Variants in USP34 observed in about 807,000 individuals in gnomAD.
USP34 encodes ubiquitin specific peptidase 34.
In USP34, 70 loss-of-function variants were observed where a neutral mutation model predicts 460.3. That is an observed-to-expected ratio of 0.15 (90% confidence interval 0.13 to 0.19). The LOEUF (loss-of-function observed/expected upper bound fraction) is 0.19. USP34 is among the 10% of genes least tolerant of loss of function. The pLI is 1.00. For synonymous variants in USP34, 1,647 were observed against 1,405.3 expected, an observed-to-expected ratio of 1.17 and a Z score of -3.85; for missense variants, 3,985 against 4,236.2, an observed-to-expected ratio of 0.94 and a Z score of 1.65.
At chr2:61,300,923 A>T in intron 29 of USP34, 28 bp downstream of exon 29, 2 of 1,513,034 alleles carry the variant, frequency 1.3e-6, no homozygotes, top group South Asian at 1.2e-5. Flanking sequence ...GACACAAAAC[A>T]AGATTTGTGA....
Position 61,348,811 on chromosome 2 carries a change from T to C in USP34, c.1619A>G (p.Asp540Gly), listed in dbSNP as rs1020030465. The change falls in exon 14 of 80, where the codon GAT becomes GGT. Residue 540 changes from aspartate (D) to glycine (G), a missense_variant. Asp to Gly is a moderately conservative substitution (Grantham distance 94). Transcript: ENST00000398571. Reference sequence around the variant, plus strand: ...TTTGGTTCTATTAATAAGTTGCTCATCCATTTCAATGTCACTACCTCCACT... The same window carrying C: ...TTTGGTTCTATTAATAAGTTGCTCACCCATTTCAATGTCACTACCTCCACT... The part of the protein sequence containing the change: ...HQSGGSDIEM[D>G]EQLINRTKHV... The C allele has an allele frequency of 1.2e-6, 2 of 1,613,794 alleles. No homozygotes were observed. The highest frequency in any genetic ancestry group is 1.1e-5 in the South Asian group (1 of 91,056).
chr2:61,218,990 A>C (rs948796474), intron 67 of USP34, among the ~76,000 whole-genome samples: 10 of 152,228 alleles, frequency 6.6e-5, no homozygotes, highest in African/African-American at 2.2e-4. Context: ...TCAATGAGTG[A>C]GGAATTAAGC....
chr2:61,392,868 C>T (rs1293366978), intron 5 of USP34, among the ~76,000 whole-genome samples: 1 of 152,116 alleles, frequency 6.6e-6, no homozygotes, highest in Non-Finnish European at 1.5e-5. Context: ...AAAATGTTAT[C>T]CCAGCATTCC....
At chr2:61,307,036 T>C (rs1690430525) in intron 27 of USP34, among the ~76,000 whole-genome samples, 3 of 152,244 alleles carry the variant, frequency 2.0e-5, no homozygotes, top group African/African-American at 7.2e-5. Flanking sequence ...TGTGGCACTA[T>C]TCACAAGAGC....
At chr2:61,398,227 C>A (rs1693597314) in intron 3 of USP34, among the ~76,000 whole-genome samples, 1 of 151,930 alleles carries the variant, frequency 6.6e-6, no homozygotes, top group African/African-American at 2.4e-5. Context: ...ATTAGCCAGG[C>A]ATGGTGGTGC....
At chr2:61,321,676 A>G (rs898802428) in intron 21 of USP34, among the ~76,000 whole-genome samples, 13 of 152,206 alleles carry the variant, frequency 8.5e-5, no homozygotes, top group Non-Finnish European at 7.3e-5. Flanking sequence ...TTTAAAATGT[A>G]GTTTAAGATA....
chr2:61,323,637 A>G (rs552541730), intron 21 of USP34, among the ~76,000 whole-genome samples: 1 of 152,062 alleles, frequency 6.6e-6, no homozygotes, highest in Non-Finnish European at 1.5e-5. Flanking sequence ...AACAGCCATG[A>G]TGTGGGAGAA....
At chr2:61,410,956 T>C (rs1694018574) in intron 2 of USP34, among the ~76,000 whole-genome samples, 1 of 151,964 alleles carries the variant, frequency 6.6e-6, no homozygotes, top group South Asian at 2.1e-4. Flanking sequence ...AGACGACTAA[T>C]GAAAGGTACA....
intron 22 of USP34, among the ~76,000 whole-genome samples, chr2:61,318,614 G>A (rs1431764222): frequency 3.9e-5 from 6 of 152,094 alleles, no homozygotes. Flanking sequence ...AAATTCAATT[G>A]GGAATAGTTC....
At chr2:61,217,935 A>G (rs1256170794) in intron 67 of USP34, among the ~76,000 whole-genome samples, 1 of 152,196 alleles carries the variant, frequency 6.6e-6, no homozygotes, top group Non-Finnish European at 1.5e-5. Flanking sequence ...AGCCTGGGCC[A>G]CAGAGCAAGA....
At chr2:61,418,469 C>T (rs759998221) in intron 2 of USP34, among the ~76,000 whole-genome samples, 5 of 152,136 alleles carry the variant, frequency 3.3e-5, no homozygotes, top group Non-Finnish European at 5.9e-5. Flanking sequence ...AATAATCTTA[C>T]GAAAGCTTTT....
Position 61,256,489 on chromosome 2 carries a change from AACC to A in USP34, c.6127-14_6127-12del. 6.4e-7 allele frequency: 1 copy of A among 1,555,412 alleles called. No homozygotes were observed. Among genetic ancestry groups the A allele is most frequent in the Non-Finnish European group, 8.7e-7 (1 of 1,145,954 alleles). ...TTCATCAAGAGATTCCTGTGTATAA[AACC>A]ACATTTAAAAGTTTCATATTATTGT... On this transcript the variant is annotated splice_polypyrimidine_tract_variant and intron_variant, in intron 47 of 79. Transcript: ENST00000398571.
In USP34 at chr2:61,470,793, CGGCGG is replaced by C. The variant is rs2104138007; in HGVS notation, c.-106_-102del. 1.5e-6 allele frequency: 1 copy of C among 668,090 alleles called. No homozygotes were observed. Among genetic ancestry groups the C allele is most frequent in the Non-Finnish European group, 2.2e-6 (1 of 464,926 alleles). 41.4% of individuals were successfully genotyped at this position (668,090 alleles called of 1,614,324 possible). A position where few individuals can be genotyped will look rare whatever the true frequency, so the allele number is the denominator to read the frequency against. The stretch of plus-strand genomic sequence containing the variant: ...GAGGCGGAGGAGGGGGCCGGCCGGC[CGGCGG>C]GGCGGGGAGGCGACTAGGGCGGGCG... On this transcript the variant is annotated 5_prime_UTR_variant, in exon 1 of 80. Transcript: ENST00000398571.
chr2:61,212,597 A>C (rs1456465098), intron 68 of USP34, among the ~76,000 whole-genome samples: 3 of 152,200 alleles, frequency 2.0e-5, no homozygotes, highest in Non-Finnish European at 4.4e-5. Context: ...GATTTTATAG[A>C]CTCATATGCA....
At chr2:61,378,912 C>CAAAAAAAAAAAAA (rs1491197501) in intron 7 of USP34, among the ~76,000 whole-genome samples, 18 of 8,618 alleles carry the variant, frequency 2.1e-3, no homozygotes, top group Non-Finnish European at 2.9e-3. Context: ...CTCAAAAAAA[C>CAAAAAAAAAAAAA]GAAAAAAAAA....
chr2:61,365,348 T>C (rs1692404186), intron 10 of USP34, among the ~76,000 whole-genome samples: 1 of 152,024 alleles, frequency 6.6e-6, no homozygotes. Context: ...TGTATGTATG[T>C]ATGTATGCCT....
At position 61,234,544 on chromosome 2, in the gene USP34, C is replaced by T. The variant is rs531732526; in HGVS notation, c.7032+1301G>A. On this transcript the variant is annotated intron_variant, in intron 57 of 79. Coordinates refer to ENST00000398571, the MANE Select transcript of USP34 (RefSeq NM_014709.4). The stretch of plus-strand genomic sequence containing the variant: ...AGAGGAAGTGACAGATGATGTTAAG[C>T]ATTTTCTAACAACATACAAAAGTAG... Among the ~76,000 whole-genome samples, 4 of 152,184 alleles carry T rather than the reference C, an allele frequency of 2.6e-5. No individual in the cohort carries two copies. In the East Asian group the frequency reaches 5.8e-4, roughly 22 times the overall value.
chr2:61,329,286 A>T (rs1046544230), intron 20 of USP34, among the ~76,000 whole-genome samples: 2 of 151,834 alleles, frequency 1.3e-5, no homozygotes, highest in Non-Finnish European at 2.9e-5. Context: ...TCAGCCTCCC[A>T]AAGTGTTGGG....
At chr2:61,199,289 CTT>C (rs909033145) in intron 75 of USP34, among the ~76,000 whole-genome samples, 2 of 151,688 alleles carry the variant, frequency 1.3e-5, no homozygotes, top group African/African-American at 2.4e-5. Context: ...GAGTTTCACT[CTT>C]GTCACCCAGA....
Sources: allele counts gnomAD v4.1 joint callset (sites outside exome capture counted in the v4.1 genomes callset), GRCh38; gene constraint gnomAD v4.1.1; transcripts MANE v1.5; gene names NCBI Gene and HGNC (gene_info 2026-07-23, HGNC 2026-07-21).